Variants in AP3B1 observed in about 807,000 individuals in gnomAD.
The protein encoded by AP3B1 is adaptor related protein complex 3 subunit beta 1.
AP3B1 carries 61 observed loss-of-function variants against 132.5 expected under a neutral mutation model. The observed-to-expected ratio is 0.46, with a 90% CI of 0.37 to 0.57. AP3B1 has a LOEUF of 0.57. Ranked by LOEUF, AP3B1 falls within the 20% of genes least tolerant of loss-of-function variation. AP3B1 has a pLI of 0.00. For synonymous variants in AP3B1, 388 were observed against 438.3 expected, an observed-to-expected ratio of 0.89 and a Z score of 1.43; for missense variants, 1,120 against 1,289.4, an observed-to-expected ratio of 0.87 and a Z score of 2.01.
chr5:78,240,426 C>T (rs568734048), intron 3 of AP3B1, among the ~76,000 whole-genome samples: 7 of 152,276 alleles, frequency 4.6e-5, no homozygotes, highest in African/African-American at 1.7e-4. Flanking sequence ...GTGCTTAGTA[C>T]ATGTCATGAG....
intron 7 of AP3B1, among the ~76,000 whole-genome samples, chr5:78,193,742 T>TATATATATATATA (rs1561469413): frequency 5.7e-4 from 52 of 90,724 alleles, no homozygotes; most frequent in Non-Finnish European, 7.7e-4. Flanking sequence ...GTATATATTT[T>TATATATATATATA]TTTATATATA....
At chr5:78,160,927 A>G (rs1314382769) in intron 13 of AP3B1, among the ~76,000 whole-genome samples, 2 of 151,980 alleles carry the variant, frequency 1.3e-5, no homozygotes, top group Admixed American at 6.6e-5. Flanking sequence ...TTAATCAGGT[A>G]TTATGGGCTA....
chr5:78,246,033 T>C (rs918439640), intron 2 of AP3B1, among the ~76,000 whole-genome samples: 1 of 152,170 alleles, frequency 6.6e-6, no homozygotes, highest in African/African-American at 2.4e-5. Context: ...TTTGTAGCTC[T>C]AAACTCTCCT....
intron 11 of AP3B1, among the ~76,000 whole-genome samples, chr5:78,174,083 C>T (rs1385507031): frequency 6.6e-6 from 1 of 152,132 alleles, no homozygotes; most frequent in African/African-American, 2.4e-5. Context: ...AGCCATTTGT[C>T]TAACCTTTTT....
intron 1 of AP3B1, among the ~76,000 whole-genome samples, chr5:78,290,040 G>A (rs1032148343): frequency 4.6e-5 from 7 of 152,098 alleles, no homozygotes; most frequent in Non-Finnish European, 1.0e-4. Context: ...CCCAAATAGC[G>A]TTAGTTAATA....
chr5:78,191,395 A>C (rs1415297317), intron 7 of AP3B1, among the ~76,000 whole-genome samples: 1 of 150,150 alleles, frequency 6.7e-6, no homozygotes, highest in Non-Finnish European at 1.5e-5. Context: ...TTAATTAGAC[A>C]AGAGGAAGCT....
chr5:78,113,100 C>G (rs772464743), intron 19 of AP3B1, among the ~76,000 whole-genome samples: 1 of 152,172 alleles, frequency 6.6e-6, no homozygotes. Context: ...ACGACTGAGC[C>G]GGGCTGCAAG....
intron 21 of AP3B1, among the ~76,000 whole-genome samples, chr5:78,094,151 G>T (rs1205555831): frequency 6.6e-6 from 1 of 152,178 alleles, no homozygotes; most frequent in Non-Finnish European, 1.5e-5. Flanking sequence ...ACTGATTTGT[G>T]ATCGTCCTAC....
chr5:78,169,360 A>C (rs1375023620), intron 11 of AP3B1, among the ~76,000 whole-genome samples: 18 of 152,172 alleles, frequency 1.2e-4, no homozygotes. Context: ...ATCTTTTCTA[A>C]ACCTCTCATA....
chr5:78,176,746 G>A (rs1044298013), intron 9 of AP3B1, among the ~76,000 whole-genome samples: 2 of 152,070 alleles, frequency 1.3e-5, no homozygotes, highest in African/African-American at 2.4e-5. Flanking sequence ...TTATAAAGAG[G>A]TAAAATCAAA....
intron 22 of AP3B1, among the ~76,000 whole-genome samples, chr5:78,069,241 A>G (rs1484067417): frequency 2.6e-5 from 4 of 152,214 alleles, no homozygotes; most frequent in African/African-American, 7.2e-5. Context: ...TCAACATAGT[A>G]TTGGAAGTTC....
In AP3B1 at chr5:78,020,873, C is replaced by T. The variant is rs1475094612; in HGVS notation, c.2895-84G>A. The stretch of plus-strand genomic sequence containing the variant: ...AGTAGTTAAATCAATGCAATGAAAG[C>T]CTATGCTAGCATATACAGTATAAGA... On this transcript the variant is annotated intron_variant, in intron 24 of 26. Coordinates refer to ENST00000255194, the MANE Select transcript of AP3B1 (RefSeq NM_003664.5). 12 of 1,107,858 alleles carry T rather than the reference C, an allele frequency of 1.1e-5. No individual in the cohort carries two copies. The South Asian group carries it at 1.6e-4, about 14-fold the overall frequency. 68.6% of individuals were successfully genotyped at this position (1,107,858 alleles called of 1,614,324 possible).
chr5:78,203,524 T>TG (rs922002417), intron 7 of AP3B1, among the ~76,000 whole-genome samples: 8 of 152,004 alleles, frequency 5.3e-5, no homozygotes, highest in Non-Finnish European at 1.0e-4. Context: ...AGGTGAGATA[T>TG]GGGGGGGACA....
chr5:78,245,175 A>C (rs1009331955), intron 2 of AP3B1, among the ~76,000 whole-genome samples: 1 of 152,176 alleles, frequency 6.6e-6, no homozygotes, highest in Non-Finnish European at 1.5e-5. Context: ...TGGTCTCCAC[A>C]CTATTTATTG....
intron 12 of AP3B1, among the ~76,000 whole-genome samples, chr5:78,164,218 G>C (rs193278101): frequency 1.3e-5 from 2 of 151,988 alleles, no homozygotes; most frequent in African/African-American, 4.8e-5. Context: ...GTTACTAAAA[G>C]CGTAACTATG....
intron 1 of AP3B1, among the ~76,000 whole-genome samples, chr5:78,279,155 A>C (rs1470336523): frequency 1.3e-5 from 2 of 152,212 alleles, no homozygotes; most frequent in Non-Finnish European, 2.9e-5. Flanking sequence ...AAATTTCTGA[A>C]AGGATACATA....
chr5:78,112,534 T>C (rs1215731104), intron 19 of AP3B1, among the ~76,000 whole-genome samples: 15 of 152,176 alleles, frequency 9.9e-5, no homozygotes, highest in Admixed American at 8.5e-4. Flanking sequence ...TGAAAGGACA[T>C]TTCATGCACT....
chr5:78,122,064 T>C (rs1216608182), intron 17 of AP3B1, among the ~76,000 whole-genome samples: 1 of 152,122 alleles, frequency 6.6e-6, no homozygotes, highest in Non-Finnish European at 1.5e-5. Context: ...ATAAATGTAA[T>C]CCAGCATATA....
chr5:78,135,493 C>T (rs1752873211), intron 15 of AP3B1, among the ~76,000 whole-genome samples: 1 of 151,858 alleles, frequency 6.6e-6, no homozygotes, highest in Non-Finnish European at 1.5e-5. Context: ...GGGGAAGAAA[C>T]GAACGTGTGA....
Sources: gnomAD v4.1 joint callset for allele counts (sites outside exome capture counted in the v4.1 genomes callset) on GRCh38, gnomAD v4.1.1 for gene constraint, MANE v1.5 for transcripts, NCBI Gene and HGNC (gene_info 2026-07-23, HGNC 2026-07-21) for gene names.